The following CPLX1 variants were observed in gnomAD, a reference collection of about 807,000 sequenced individuals.
CPLX1 encodes complexin 1.
A neutral mutation model predicts 15.6 loss-of-function variants in CPLX1; 6 were observed. The ratio of observed to expected loss-of-function variants is 0.39; its 90% CI spans 0.21 to 0.76. The LOEUF is 0.76. Among genes scored for constraint, CPLX1 ranks in the 30% least tolerant of loss-of-function variants. The pLI is 0.43. For synonymous variants in CPLX1, 91 were observed against 75.2 expected (o/e 1.21, Z -1.08); for missense variants, 242 against 188.6 (o/e 1.28, Z -1.66).
Position 803,519 on chromosome 4 carries a change from T to C in CPLX1, c.32-10911A>G, listed in dbSNP as rs959375875. ...CATTCTCCCGCCTCAGCCTCTGGAG[T>C]AGCTGGGACTGCAGGCGTCCGCCAC... On this transcript the variant is annotated intron_variant, in intron 2 of 3. Transcript: ENST00000304062. Among the ~76,000 whole-genome samples, 61 of 149,862 alleles carry C rather than the reference T, an allele frequency of 4.1e-4. 2 individuals carry two copies.
intron 3 of CPLX1, chr4:788,006 G>A: frequency 3.0e-6 from 3 of 985,416 alleles, no homozygotes; most frequent in Non-Finnish European, 3.6e-6. Context: ...CTGGAGTAGT[G>A]AAGGCGTCAG....
rs937456821 is a variant in CPLX1 at position 801,537 on chromosome 4, G to A, written c.32-8929C>T. ...CGTGGTACCTTTTCTATGTTTAGAT[G>A]TGCTTAGGTACGCAAATACTCACCA... On this transcript the variant is annotated intron_variant, in intron 2 of 3. Transcript: ENST00000304062. 3.3e-5 allele frequency among the ~76,000 whole-genome samples: 5 copies of A among 152,320 alleles called. No homozygotes were observed. The East Asian group carries it at 5.8e-4, about 18-fold the overall frequency.
At chr4:806,531 A>G (rs1202720631) in intron 2 of CPLX1, among the ~76,000 whole-genome samples, 5 of 152,258 alleles carry the variant, frequency 3.3e-5, no homozygotes, top group African/African-American at 1.2e-4. Flanking sequence ...ATTGTAATAA[A>G]GCAAAAATTG....
intron 2 of CPLX1, chr4:804,853 T>C: frequency 1.0e-6 from 1 of 968,388 alleles, no homozygotes; most frequent in Non-Finnish European, 1.2e-6. Flanking sequence ...GTGCTCAGCC[T>C]CCACGGGAAA....
chr4:821,667 C>G (rs768315719), intron 2 of CPLX1, among the ~76,000 whole-genome samples: 15 of 152,182 alleles, frequency 9.9e-5, no homozygotes, highest in Non-Finnish European at 2.1e-4. Context: ...GACCCTGGAT[C>G]CGGACCCACG....
chr4:811,677 A>G (rs1746667618), intron 2 of CPLX1, among the ~76,000 whole-genome samples: 1 of 152,180 alleles, frequency 6.6e-6, no homozygotes, highest in African/African-American at 2.4e-5. Flanking sequence ...TGTGCCTGAA[A>G]AGAAGAAGGA....
At chr4:799,463 T>C (rs1228888289) in intron 2 of CPLX1, among the ~76,000 whole-genome samples, 1 of 152,234 alleles carries the variant, frequency 6.6e-6, no homozygotes, top group Non-Finnish European at 1.5e-5. Flanking sequence ...GGGTGGAAGC[T>C]CCTCAGAAGG....
At chr4:820,197 G>A (rs1238034145) in intron 2 of CPLX1, among the ~76,000 whole-genome samples, 2 of 150,334 alleles carry the variant, frequency 1.3e-5, no homozygotes, top group Non-Finnish European at 3.0e-5. Flanking sequence ...CGTCCTCCCG[G>A]ACCCAGCTCA....
chr4:797,864 A>G (rs1223197284), intron 2 of CPLX1, among the ~76,000 whole-genome samples: 1 of 152,068 alleles, frequency 6.6e-6, no homozygotes, highest in African/African-American at 2.4e-5. Context: ...CGGGAGGCGG[A>G]GCTTGCAGTG....
At chr4:813,381 C>G (rs1352843821) in intron 2 of CPLX1, among the ~76,000 whole-genome samples, 1 of 151,910 alleles carries the variant, frequency 6.6e-6, no homozygotes, top group Non-Finnish European at 1.5e-5. Context: ...AGCAGGTGCA[C>G]GGATGGGCTC....
intron 2 of CPLX1, among the ~76,000 whole-genome samples, chr4:798,051 G>C (rs1021927782): frequency 2.0e-4 from 31 of 152,174 alleles, no homozygotes. Context: ...GAGGTGGGTG[G>C]ATCACCTGAG....
chr4:814,798 G>A (rs1746720181), intron 2 of CPLX1, among the ~76,000 whole-genome samples: 1 of 152,238 alleles, frequency 6.6e-6, no homozygotes, highest in Non-Finnish European at 1.5e-5. Context: ...CCGGGCATCT[G>A]CCAGTATGAA....
Position 790,168 on chromosome 4 carries a change from G to A in CPLX1, c.207+2265C>T, listed in dbSNP as rs868742601. On this transcript the variant is annotated intron_variant, in intron 3 of 3. Coordinates refer to ENST00000304062, the MANE Select transcript of CPLX1 (RefSeq NM_006651.4). ...TGGGGAAGGTGTGGACGTGGGGTCC[G>A]GGGGGATCCACTTTGGCAGGGCCTC... 6.6e-5 allele frequency among the ~76,000 whole-genome samples: 10 copies of A among 152,322 alleles called. No homozygotes were observed. In the East Asian group the frequency reaches 1.5e-3, roughly 24 times the overall value.
Position 825,638 on chromosome 4 carries a change from C to A in CPLX1, c.-80+408G>T, listed in dbSNP as rs556534979. ...GGGCGAGGGAGGAGAGGGGGAGCCTCGAGACAGGAAGAAGCGAGGAGGAGG... is the reference window on the plus strand; with the variant it reads ...GGGCGAGGGAGGAGAGGGGGAGCCTAGAGACAGGAAGAAGCGAGGAGGAGG... On this transcript the variant is annotated intron_variant, in intron 1 of 3. Transcript: ENST00000304062. Among the ~76,000 whole-genome samples, 14 of 151,650 alleles carry A rather than the reference C, an allele frequency of 9.2e-5. No individual in the cohort carries two copies. The South Asian group carries it at 1.2e-3, about 14-fold the overall frequency.
intron 2 of CPLX1, among the ~76,000 whole-genome samples, chr4:808,695 G>A (rs564171159): frequency 3.3e-5 from 5 of 152,308 alleles, no homozygotes; most frequent in East Asian, 1.9e-4. Context: ...GAGGGGAAAC[G>A]ATTGAGAACT....
At chr4:818,808 G>T (rs1746808585) in intron 2 of CPLX1, among the ~76,000 whole-genome samples, 1 of 152,258 alleles carries the variant, frequency 6.6e-6, no homozygotes, top group Non-Finnish European at 1.5e-5. Context: ...GTATTGAAGA[G>T]CTGGGCGCTC....
intron 2 of CPLX1, among the ~76,000 whole-genome samples, chr4:815,249 A>T (rs1746729909): frequency 6.6e-6 from 1 of 151,956 alleles, no homozygotes; most frequent in Non-Finnish European, 1.5e-5. Context: ...CGTCTCTACT[A>T]AAAATACAAA....
chr4:792,721 C>G (rs1213567297), intron 2 of CPLX1, 113 bp from the exon 3 acceptor site: 3 of 1,153,138 alleles, frequency 2.6e-6, no homozygotes, highest in Non-Finnish European at 3.6e-6. Flanking sequence ...TCCATCCACT[C>G]GACCCTCTGG....
At chr4:787,320 C>T in intron 3 of CPLX1, 1 of 985,438 alleles carries the variant, frequency 1.0e-6, no homozygotes, top group Non-Finnish European at 1.2e-6. Context: ...TATGCCTGGG[C>T]CTCACCGACC....
Sources: allele counts gnomAD v4.1 joint callset (sites outside exome capture counted in the v4.1 genomes callset), GRCh38; gene constraint gnomAD v4.1.1; transcripts MANE v1.5; gene names NCBI Gene and HGNC (gene_info 2026-07-23, HGNC 2026-07-21).